The following DAB1 variants were observed in gnomAD, a reference collection of about 807,000 sequenced individuals.
DAB1 encodes DAB adaptor protein 1, also known as disabled homolog 1.
A neutral mutation model predicts 64.6 loss-of-function variants in DAB1; 15 were observed. That is an observed-to-expected ratio of 0.23 (90% confidence interval 0.16 to 0.36). The LOEUF is 0.36. DAB1 is among the 10% of genes least tolerant of loss of function. DAB1 has a pLI of 1.00. For synonymous variants in DAB1, 235 were observed against 251.9 expected (o/e 0.93, Z 0.64); for missense variants, 596 against 706.7 (o/e 0.84, Z 1.78).
intron 1 of DAB1, among the ~76,000 whole-genome samples, chr1:57,882,187 C>G (rs993463071): frequency 3.3e-5 from 5 of 152,148 alleles, no homozygotes; most frequent in African/African-American, 1.2e-4. Context: ...TGAGGGGAAA[C>G]AGTGCTTTAA....
chr1:57,752,656 G>C (rs1648611113), intron 6 of DAB1, among the ~76,000 whole-genome samples: 1 of 152,180 alleles, frequency 6.6e-6, no homozygotes, highest in Non-Finnish European at 1.5e-5. Context: ...GGTGTGAAAA[G>C]CATTAGATTT....
chr1:57,853,840 T>C (rs1167430321), intron 1 of DAB1, among the ~76,000 whole-genome samples: 3 of 152,184 alleles, frequency 2.0e-5, no homozygotes, highest in Non-Finnish European at 4.4e-5. Context: ...GGTGAGAAGG[T>C]TCTGGTTGTC....
At chr1:57,230,335 A>AAC (rs1557985114) in intron 2 of DAB1, among the ~76,000 whole-genome samples, 7 of 145,518 alleles carry the variant, frequency 4.8e-5, no homozygotes, top group East Asian at 2.0e-4. Flanking sequence ...AAAAAAAAAA[A>AAC]AAAACAGCTG....
chr1:57,892,622 ACT>A (rs556597787), intron 5 of DAB1, among the ~76,000 whole-genome samples: 6 of 151,914 alleles, frequency 3.9e-5, no homozygotes, highest in Non-Finnish European at 7.4e-5. Context: ...ACCTTATTCT[ACT>A]CTCAAAGATT....
chr1:57,201,799 G>A (rs775830028), intron 2 of DAB1, among the ~76,000 whole-genome samples: 3 of 152,004 alleles, frequency 2.0e-5, no homozygotes, highest in Non-Finnish European at 4.4e-5. Flanking sequence ...TCAGTTCTGT[G>A]GTCCCTCCAG....
chr1:57,496,149 G>A (rs899700845), intron 7 of DAB1, among the ~76,000 whole-genome samples: 7 of 152,062 alleles, frequency 4.6e-5, no homozygotes, highest in Admixed American at 6.6e-5. Flanking sequence ...TACAAATATC[G>A]CATTACTGTT....
intron 4 of DAB1, chr1:58,228,823 C>A (rs979937329): frequency 2.8e-5 from 19 of 679,574 alleles, no homozygotes; most frequent in Non-Finnish European, 5.0e-5. Context: ...TCCAGGTAGA[C>A]ATAACCAGCA....
chr1:57,552,597 G>A (rs1644926887), intron 7 of DAB1, among the ~76,000 whole-genome samples: 1 of 152,200 alleles, frequency 6.6e-6, no homozygotes, highest in Non-Finnish European at 1.5e-5. Context: ...AGGAAACAGT[G>A]TAAGCAAAGG....
intron 4 of DAB1, among the ~76,000 whole-genome samples, chr1:57,121,564 A>G (rs563347562): frequency 1.3e-5 from 2 of 151,528 alleles, no homozygotes; most frequent in South Asian, 4.2e-4. Flanking sequence ...AAAAAAGAAA[A>G]AGAAAAAGAA....
chr1:58,380,586 T>C (rs1024925457), intron 3 of DAB1, among the ~76,000 whole-genome samples: 1 of 152,224 alleles, frequency 6.6e-6, no homozygotes, highest in African/African-American at 2.4e-5. Flanking sequence ...TTCTGTCCCC[T>C]GAGACAGCAG....
intron 3 of DAB1, among the ~76,000 whole-genome samples, chr1:57,141,863 C>A (rs991221756): frequency 6.6e-6 from 1 of 152,104 alleles, no homozygotes; most frequent in Non-Finnish European, 1.5e-5. Context: ...AACGCAAATA[C>A]AAAACAGAAT....
chr1:57,604,267 C>T (rs940927528), intron 7 of DAB1, among the ~76,000 whole-genome samples: 1 of 152,214 alleles, frequency 6.6e-6, no homozygotes, highest in Non-Finnish European at 1.5e-5. Context: ...CTTCAACATC[C>T]TCATTTGTGA....
intron 1 of DAB1, among the ~76,000 whole-genome samples, chr1:57,858,804 T>G (rs77147519): frequency 1.6e-3 from 240 of 149,800 alleles, no homozygotes; most frequent in African/African-American, 5.6e-3. Flanking sequence ...GGCTGAGATT[T>G]TACCTGATTA....
intron 5 of DAB1, among the ~76,000 whole-genome samples, chr1:58,100,361 T>C (rs1470653932): frequency 2.6e-5 from 4 of 152,248 alleles, no homozygotes; most frequent in Admixed American, 2.0e-4. Context: ...TTATGATTCA[T>C]GCATATTGTA....
chr1:58,373,077 G>A (rs919201830), intron 3 of DAB1, among the ~76,000 whole-genome samples: 1 of 151,466 alleles, frequency 6.6e-6, no homozygotes, highest in Non-Finnish European at 1.5e-5. Flanking sequence ...ACTACTTTTT[G>A]TAGTTCTCCG....
At chr1:57,798,213 G>A (rs1057042793) in intron 6 of DAB1, among the ~76,000 whole-genome samples, 2 of 152,184 alleles carry the variant, frequency 1.3e-5, no homozygotes, top group African/African-American at 4.8e-5. Flanking sequence ...TGAAAAAAGA[G>A]TGGAAGGCCA....
At chr1:58,201,515 C>A (rs1321853198) in intron 4 of DAB1, among the ~76,000 whole-genome samples, 1 of 152,152 alleles carries the variant, frequency 6.6e-6, no homozygotes, top group Non-Finnish European at 1.5e-5. Flanking sequence ...TCAAGTATGT[C>A]TATAATTCTG....
intron 9 of DAB1, among the ~76,000 whole-genome samples, chr1:57,046,591 T>C (rs1557620223): frequency 6.6e-6 from 1 of 152,228 alleles, no homozygotes; most frequent in Non-Finnish European, 1.5e-5. Flanking sequence ...GGAAACTGTA[T>C]ATTACAGCTC....
At chr1:57,635,834 G>A (rs1311433399) in intron 7 of DAB1, among the ~76,000 whole-genome samples, 1 of 152,006 alleles carries the variant, frequency 6.6e-6, no homozygotes, top group Non-Finnish European at 1.5e-5. Flanking sequence ...GGTGGCTCAC[G>A]CCTGTAATCC....
Sources: allele counts gnomAD v4.1 joint callset (sites outside exome capture counted in the v4.1 genomes callset), GRCh38; gene constraint gnomAD v4.1.1; transcripts MANE v1.5; gene names NCBI Gene and HGNC (gene_info 2026-07-23, HGNC 2026-07-21).